The following TTC17 variants were observed in gnomAD, a reference collection of about 807,000 sequenced individuals.
TTC17 encodes tetratricopeptide repeat domain 17, also known as tetratricopeptide repeat protein 17.
In TTC17, 58 loss-of-function variants were observed where a neutral mutation model predicts 143.8. That is an observed-to-expected ratio of 0.40 (90% CI 0.33 to 0.50). The LOEUF is 0.50. TTC17 is among the 20% of genes least tolerant of loss of function. TTC17 has a pLI of 0.49. For missense variants in TTC17, 1,273 were observed against 1,392.5 expected (o/e 0.91, Z 1.37); for synonymous variants, 501 against 497.8 (o/e 1.01, Z -0.09).
chr11:43,374,190 A>G (rs1856677220), intron 1 of TTC17, among the ~76,000 whole-genome samples: 1 of 152,244 alleles, frequency 6.6e-6, no homozygotes, highest in Non-Finnish European at 1.5e-5. Context: ...TCCCTATTCA[A>G]TAAATGGTGC....
At chr11:43,481,193 A>G (rs754004766) in intron 21 of TTC17, among the ~76,000 whole-genome samples, 3 of 152,176 alleles carry the variant, frequency 2.0e-5, no homozygotes, top group Non-Finnish European at 4.4e-5. Context: ...AAACTTACAC[A>G]TATTCAGTAA....
At chr11:43,395,941 G>A (rs1214833415) in intron 5 of TTC17, among the ~76,000 whole-genome samples, 3 of 152,106 alleles carry the variant, frequency 2.0e-5, no homozygotes, top group African/African-American at 7.2e-5. Flanking sequence ...TAGTAGAATT[G>A]TGGGAGTCAA....
At chr11:43,443,240 T>G in intron 16 of TTC17, 85 bp from the exon 17 acceptor site, 1 of 1,522,524 alleles carries the variant, frequency 6.6e-7, no homozygotes. Flanking sequence ...GCCAAAACGT[T>G]TCTCCAAAAG....
At chr11:43,434,652 C>T (rs1043192074) in intron 16 of TTC17, among the ~76,000 whole-genome samples, 3 of 152,280 alleles carry the variant, frequency 2.0e-5, no homozygotes, top group South Asian at 4.1e-4. Context: ...CTTTAAAATT[C>T]GAGTTCTAAC....
intron 4 of TTC17, 57 bp from the exon 5 acceptor site, chr11:43,391,760 GAATT>G: frequency 8.9e-6 from 14 of 1,575,834 alleles, no homozygotes; most frequent in Non-Finnish European, 1.2e-5. Flanking sequence ...ACAAGATACT[GAATT>G]ATTTGTCATC....
intron 10 of TTC17, among the ~76,000 whole-genome samples, chr11:43,401,860 C>A (rs1011747971): frequency 6.6e-6 from 1 of 151,926 alleles, no homozygotes; most frequent in Non-Finnish European, 1.5e-5. Context: ...CACCTGTAGT[C>A]CCAGCTACTC....
intron 16 of TTC17, among the ~76,000 whole-genome samples, chr11:43,433,142 C>G (rs1409619074): frequency 6.6e-6 from 1 of 152,074 alleles, no homozygotes; most frequent in Admixed American, 6.5e-5. Context: ...CTGGGACTAC[C>G]GGCATGTGCC....
At chr11:43,401,899 G>T (rs1247234381) in intron 10 of TTC17, among the ~76,000 whole-genome samples, 1 of 151,844 alleles carries the variant, frequency 6.6e-6, no homozygotes, top group African/African-American at 2.4e-5. Flanking sequence ...AATCATCTGA[G>T]CTCTGGAGGT....
chr11:43,382,274 CAT>C (rs1465962676), intron 2 of TTC17, among the ~76,000 whole-genome samples: 2 of 152,050 alleles, frequency 1.3e-5, no homozygotes, highest in African/African-American at 2.4e-5. Flanking sequence ...CTGAAAGAAA[CAT>C]ATTAAGTATG....
chr11:43,407,325 C>T, intron 14 of TTC17, 28 bp from the exon 15 acceptor site: 1 of 1,605,420 alleles, frequency 6.2e-7, no homozygotes, highest in Non-Finnish European at 8.5e-7. Context: ...TATTCTTGTA[C>T]TAACTGAAGT....
At chr11:43,446,947 C>T (rs1281070250) in intron 18 of TTC17, among the ~76,000 whole-genome samples, 2 of 152,212 alleles carry the variant, frequency 1.3e-5, no homozygotes, top group Non-Finnish European at 2.9e-5. Context: ...CCTAGCTCTG[C>T]CAGTTGCTAG....
rs1208617964 is a variant in TTC17, at chr11:43,451,268, A to G, written c.3030+3A>G. On this transcript the variant is annotated splice_donor_region_variant and intron_variant, in intron 21 of 23. Transcript: ENST00000039989. ...GAATTGCCAAAGTTTTGGAAAAGGTAAGTCACCCCACAGAAAAGCTGGAAA... is the reference window on the plus strand; with the variant it reads ...GAATTGCCAAAGTTTTGGAAAAGGTGAGTCACCCCACAGAAAAGCTGGAAA... 35 of 1,612,686 alleles carry G rather than the reference A, an allele frequency of 2.2e-5. No homozygotes were observed. Among genetic ancestry groups the G allele is most frequent in the Non-Finnish European group, 2.7e-5 (32 of 1,178,874 alleles).
chr11:43,429,199 A>C (rs971647858), intron 16 of TTC17, among the ~76,000 whole-genome samples: 2 of 152,218 alleles, frequency 1.3e-5, no homozygotes, highest in African/African-American at 2.4e-5. Context: ...GTTTCCCAAG[A>C]ATCCTCTGAC....
At chr11:43,361,926 A>G (rs1856121384) in intron 1 of TTC17, among the ~76,000 whole-genome samples, 1 of 152,270 alleles carries the variant, frequency 6.6e-6, no homozygotes, top group Non-Finnish European at 1.5e-5. Context: ...CACAGTGATC[A>G]TAAAGAAGTA....
chr11:43,403,046 C>T (rs1013738908), intron 10 of TTC17, among the ~76,000 whole-genome samples: 2 of 151,506 alleles, frequency 1.3e-5, no homozygotes, highest in Admixed American at 6.6e-5. Context: ...CAGCTCCCAG[C>T]AATATCTCAT....
intron 18 of TTC17, among the ~76,000 whole-genome samples, chr11:43,447,066 T>G (rs1424866302): frequency 6.6e-5 from 10 of 152,068 alleles, no homozygotes. Context: ...ACATCTGTAA[T>G]CCCAGCACTT....
At chr11:43,374,775 C>T (rs1176221502) in intron 1 of TTC17, among the ~76,000 whole-genome samples, 1 of 148,848 alleles carries the variant, frequency 6.7e-6, no homozygotes, top group African/African-American at 2.5e-5. Flanking sequence ...AGGATGTTGG[C>T]AGGGCTATAG....
chr11:43,481,682 T>C (rs1468515268), intron 21 of TTC17, among the ~76,000 whole-genome samples: 1 of 152,232 alleles, frequency 6.6e-6, no homozygotes, highest in Non-Finnish European at 1.5e-5. Context: ...TATTTTCTTA[T>C]CATCCTTTTA....
At position 43,447,992 on chromosome 11, in the gene TTC17, T is replaced by C. The variant is rs199582786; in HGVS notation, c.2666-10T>C. On this transcript the variant is annotated splice_polypyrimidine_tract_variant and intron_variant, in intron 18 of 23. Transcript: ENST00000039989. ...CAATTGTGTGGATTCATGGCATACTTTCCTTCCAGGAAAAAAACGTGACTA... is the reference window on the plus strand; with the variant it reads ...CAATTGTGTGGATTCATGGCATACTCTCCTTCCAGGAAAAAAACGTGACTA... 40 of 1,613,230 alleles carry C rather than the reference T, an allele frequency of 2.5e-5. No individual in the cohort carries two copies. Among genetic ancestry groups the C allele is most frequent in the Non-Finnish European group, 3.3e-5 (39 of 1,179,652 alleles).
Sources: allele counts gnomAD v4.1 joint callset (sites outside exome capture counted in the v4.1 genomes callset), GRCh38; gene constraint gnomAD v4.1.1; transcripts MANE v1.5; gene names NCBI Gene and HGNC (gene_info 2026-07-23, HGNC 2026-07-21).